The following SUCO variants were observed in gnomAD, a reference collection of about 807,000 sequenced individuals.
SUCO encodes SUN domain containing ossification factor, also known as SUN domain-containing ossification factor.
Under a neutral mutation model 148.1 loss-of-function variants are expected in SUCO, and 57 were observed. The observed-to-expected ratio is 0.38, with a 90% CI of 0.31 to 0.48. SUCO has a LOEUF of 0.48. SUCO is among the 20% of genes least tolerant of loss of function. SUCO has a pLI of 0.96. For missense variants in SUCO, 1,331 were observed against 1,468.2 expected (o/e 0.91, Z 1.53); for synonymous variants, 470 against 502.7 (o/e 0.93, Z 0.87).
At position 172,600,102 on chromosome 1, in the gene SUCO, A is replaced by T; in HGVS notation, c.2952A>T (p.Ala984=). The T allele has an allele frequency of 1.2e-6, 2 of 1,610,454 alleles. No individual in the cohort carries two copies. Among genetic ancestry groups the T allele is most frequent in the Non-Finnish European group, 1.7e-6 (2 of 1,179,356 alleles). ...CTGAAGCCATCCAGTTGCTACAGGC[A>T]CAGCTGACCAACATGACACAGCTTG... ...RQTEAIQLLQ[A]QLTNMTQLVS... The change falls in exon 20 of 24, where the codon GCA becomes GCT. Residue 984 remains alanine (A), a synonymous_variant. Transcript: ENST00000263688.
At chr1:172,570,579 A>G in intron 8 of SUCO, 84 bp from the exon 9 acceptor site, 2 of 877,874 alleles carry the variant, frequency 2.3e-6, no homozygotes, top group Non-Finnish European at 3.6e-6. Context: ...AAAATACAGA[A>G]GTCCCAGAAA....
chr1:172,578,226 C>A, intron 13 of SUCO, 72 bp from the exon 14 acceptor site: 1 of 1,158,808 alleles, frequency 8.6e-7, no homozygotes, highest in East Asian at 2.4e-5. Flanking sequence ...TGATGTTTGT[C>A]ATTTATTGTG....
At position 172,610,037 on chromosome 1, in the gene SUCO, T is replaced by G; in HGVS notation, c.3543T>G (p.Ile1181Met). 1 of 1,613,988 alleles carries G rather than the reference T, an allele frequency of 6.2e-7. No individual in the cohort carries two copies. Among genetic ancestry groups the G allele is most frequent in the Non-Finnish European group, 8.5e-7 (1 of 1,179,896 alleles). ...CAGAAGAGTCCTATTTTTGTGGCAT[T>G]TCAGCTTGCACAAGTCTGTGCAATG... ...SQSEESYFCGISACTSLCNGQ... is the reference protein window; with the variant it reads ...SQSEESYFCGMSACTSLCNGQ... Residue 1181 changes from isoleucine (I) to methionine (M), a missense_variant, in exon 24 of 24, where the codon ATT (isoleucine) becomes ATG (methionine). Around this residue, in one of 3 missense-constraint regions of SUCO, gnomAD observed 334 missense variants for 352.3 expected, o/e 0.95. Transcript: ENST00000263688.
At chr1:172,604,994 C>A (rs1228443245) in intron 22 of SUCO, among the ~76,000 whole-genome samples, 2 of 151,670 alleles carry the variant, frequency 1.3e-5, no homozygotes, top group African/African-American at 4.8e-5. Flanking sequence ...ATACAGATAT[C>A]TCTTTGCTCA....
At chr1:172,546,873 G>C (rs1411220288) in intron 1 of SUCO, among the ~76,000 whole-genome samples, 1 of 152,226 alleles carries the variant, frequency 6.6e-6, no homozygotes, top group Non-Finnish European at 1.5e-5. Context: ...TTGCACCACT[G>C]CACCCCAGCC....
At chr1:172,553,428 T>G (rs865820930) in intron 3 of SUCO, 58 bp downstream of exon 3, 1 of 1,272,934 alleles carries the variant, frequency 7.9e-7, no homozygotes, top group Middle Eastern at 2.6e-4. Context: ...TTTACAAGAT[T>G]GAAAACCTTT....
At chr1:172,556,352 A>G (rs1195869871) in intron 4 of SUCO, among the ~76,000 whole-genome samples, 1 of 152,178 alleles carries the variant, frequency 6.6e-6, no homozygotes, top group African/African-American at 2.4e-5. Context: ...TATCAACTCA[A>G]ATGTCAGGTT....
rs751016369 is a variant in SUCO at position 172,569,053 on chromosome 1, C to T, written c.767C>T (p.Pro256Leu). ...SDYTKPGDID[P>L]TSVASPKDPE... ...TATACAAAACCAGGAGACATTGACC[C>T]TACATCAGTAGCAAGTCCCAAAGAT... Residue 256 changes from proline (P) to leucine (L), a missense_variant, in exon 7 of 24, where the codon CCT becomes CTT. Pro to Leu is a moderately conservative substitution (Grantham distance 98). Coordinates refer to ENST00000263688, the MANE Select transcript of SUCO (RefSeq NM_014283.5). 2.6e-5 allele frequency: 41 copies of T among 1,599,210 alleles called. No homozygotes were observed. The highest frequency in any genetic ancestry group is 3.4e-5 in the Non-Finnish European group (40 of 1,175,932).
At chr1:172,577,893 G>T in intron 13 of SUCO, 74 bp downstream of exon 13, 1 of 1,160,484 alleles carries the variant, frequency 8.6e-7, no homozygotes, top group Non-Finnish European at 1.2e-6. Context: ...TATTTAAAGT[G>T]AAGAAATAAT....
intron 23 of SUCO, chr1:172,609,521 C>CT: frequency 1.0e-6 from 1 of 958,236 alleles, no homozygotes; most frequent in Admixed American, 6.2e-5. Context: ...TGAAAGCAAC[C>CT]TGTATGCTCT....
intron 1 of SUCO, among the ~76,000 whole-genome samples, chr1:172,535,655 A>T (rs952167484): frequency 7.2e-5 from 11 of 152,198 alleles, no homozygotes; most frequent in African/African-American, 2.7e-4. Context: ...GCAAGAGTTG[A>T]TGAGTGCCTT....
At chr1:172,573,393 A>C (rs1393312809) in intron 9 of SUCO, among the ~76,000 whole-genome samples, 2 of 152,114 alleles carry the variant, frequency 1.3e-5, no homozygotes, top group Non-Finnish European at 2.9e-5. Flanking sequence ...CTAAATATTT[A>C]ACTTGATTTC....
chr1:172,558,333 A>T, intron 6 of SUCO, among the ~76,000 whole-genome samples: 1 of 152,190 alleles, frequency 6.6e-6, no homozygotes, highest in East Asian at 1.9e-4. Flanking sequence ...TCTCCTTCTG[A>T]GTTCTACCTT....
chr1:172,597,243 G>T (rs1310090368), intron 19 of SUCO, among the ~76,000 whole-genome samples: 1 of 152,222 alleles, frequency 6.6e-6, no homozygotes, highest in Non-Finnish European at 1.5e-5. Flanking sequence ...CCCGGGTGTG[G>T]CGGTGCCCCG....
At chr1:172,588,610 GT>G (rs1656398083) in intron 17 of SUCO, 149 bp from the exon 18 acceptor site, 6 of 1,274,820 alleles carry the variant, frequency 4.7e-6, no homozygotes, top group Non-Finnish European at 5.0e-6. Context: ...TAATAAAAGT[GT>G]TTTGTAGGTG....
At chr1:172,554,420 C>T (rs756675337) in intron 3 of SUCO, among the ~76,000 whole-genome samples, 16 of 152,142 alleles carry the variant, frequency 1.1e-4, no homozygotes, top group African/African-American at 2.4e-4. Context: ...ACTTGAAATG[C>T]GGCTAGTCCA....
rs771368084 is a variant in SUCO, at chr1:172,555,975, A to T, written c.395A>T (p.Asn132Ile). ...GTTGTGGACAGTGAAACTGTTGAAA[A>T]TATTTCCAGCTCATCTACCTCAGAA... ...NAVVDSETVE[N>I]ISSSSTSEIT... The change falls in exon 4 of 24, where the codon AAT becomes ATT. Residue 132 changes from asparagine to isoleucine, a missense_variant. Transcript: ENST00000263688. 1 of 1,613,422 alleles carries T rather than the reference A, an allele frequency of 6.2e-7. No individual in the cohort carries two copies. The highest frequency in any genetic ancestry group is 1.3e-5 in the African/African-American group (1 of 74,914).
At chr1:172,554,279 A>G (rs1238305792) in intron 3 of SUCO, among the ~76,000 whole-genome samples, 1 of 152,190 alleles carries the variant, frequency 6.6e-6, no homozygotes, top group African/African-American at 2.4e-5. Flanking sequence ...GACTATCCTG[A>G]ACACTCCTAC....
At chr1:172,604,922 G>A (rs1352558379) in intron 22 of SUCO, among the ~76,000 whole-genome samples, 2 of 151,652 alleles carry the variant, frequency 1.3e-5, no homozygotes, top group African/African-American at 2.4e-5. Flanking sequence ...CCATTCATCT[G>A]TAAGTGGACA....
Sources: allele counts gnomAD v4.1 joint callset (sites outside exome capture counted in the v4.1 genomes callset), GRCh38; gene constraint gnomAD v4.1.1; regional missense constraint gnomAD v4.1.1; transcripts MANE v1.5; gene names NCBI Gene and HGNC (gene_info 2026-07-23, HGNC 2026-07-21).